POLH: variants seen among roughly 807,000 people sequenced by gnomAD.
POLH encodes the protein DNA polymerase eta.
In POLH, 53 loss-of-function variants were observed where a neutral mutation model predicts 73.6. The observed-to-expected ratio is 0.72, with a 90% CI of 0.58 to 0.91. The LOEUF (loss-of-function observed/expected upper bound fraction) is 0.91. POLH is among the 40% of genes least tolerant of loss of function. The pLI is 0.00. For missense variants in POLH, 768 were observed against 865.4 expected, an observed-to-expected ratio of 0.89 and a Z score of 1.41; for synonymous variants, 292 against 308.5, an observed-to-expected ratio of 0.95 and a Z score of 0.56.
chr6:43,592,446 C>T (rs1239187411), intron 4 of POLH, among the ~76,000 whole-genome samples: 2 of 143,158 alleles, frequency 1.4e-5, no homozygotes, highest in Admixed American at 7.3e-5. Flanking sequence ...CTTTCTCGCT[C>T]TGTCGCCCAG....
At chr6:43,588,923 C>T (rs112740328) in intron 4 of POLH, among the ~76,000 whole-genome samples, 17,673 of 151,968 alleles carry the variant, frequency 0.12, 1,412 homozygotes, top group Non-Finnish European at 0.18. Context: ...CTGCAAGCTC[C>T]GCCTCCCGGG....
Position 43,614,522 on chromosome 6 carries a change from A to G in POLH, c.2107A>G (p.Thr703Ala), listed in dbSNP as rs774108482. ...ACGCCCCAGGCCTGAGGGCATGCAA[A>G]CATTGGAATCATTTTTTAAGCCATT... is the stretch of plus-strand genomic sequence containing the variant. The part of the protein sequence containing the change: ...NKRPRPEGMQ[T>A]LESFFKPLTH The change falls in exon 11 of 11, where the codon ACA becomes GCA. Residue 703 changes from threonine to alanine, a missense_variant. Physicochemically the swap from Thr to Ala is moderately conservative, Grantham distance 58. Transcript: ENST00000372236. 1 of 1,613,936 alleles carries G rather than the reference A, an allele frequency of 6.2e-7. No homozygotes were observed. Among genetic ancestry groups the G allele is most frequent in the South Asian group, 1.1e-5 (1 of 91,078 alleles).
intron 4 of POLH, 26 bp downstream of exon 4, chr6:43,587,515 C>G: frequency 4.0e-6 from 6 of 1,507,664 alleles, no homozygotes; most frequent in Non-Finnish European, 5.5e-6. Context: ...CATACTGCTT[C>G]TGCTTCCTGC....
chr6:43,600,093 G>A (rs1766562913), intron 5 of POLH, among the ~76,000 whole-genome samples: 1 of 151,878 alleles, frequency 6.6e-6, no homozygotes, highest in African/African-American at 2.4e-5. Context: ...AGGAGGTGGA[G>A]GTTGCAGTGA....
chr6:43,616,594 A>AC lies in POLH; in HGVS notation c.*2037_*2038insC, dbSNP rs1768366062. Among the ~76,000 whole-genome samples the AC allele has an allele frequency of 6.6e-6, 1 of 151,828 alleles. No individual in the cohort carries two copies. Among genetic ancestry groups the AC allele is most frequent in the African/African-American group, 2.4e-5 (1 of 41,280 alleles). ...AGAGTGAGAGACTGTCTCAAAAAAA[A>AC]AAAAAACAAAAGAAAAACTTCTCTC... On this transcript the variant is annotated 3_prime_UTR_variant, in exon 11 of 11. Coordinates refer to ENST00000372236, the MANE Select transcript of POLH (RefSeq NM_006502.3).
chr6:43,583,988 C>A (rs1221158390), intron 3 of POLH, among the ~76,000 whole-genome samples: 1 of 152,070 alleles, frequency 6.6e-6, no homozygotes, highest in Non-Finnish European at 1.5e-5. Context: ...ACAGAAAATA[C>A]AAAAATTAGC....
At position 43,576,914 on chromosome 6, in the gene POLH, G is replaced by A. The variant is rs377753338; in HGVS notation, c.-5+474G>A. Among the ~76,000 whole-genome samples the A allele has an allele frequency of 1.6e-4, 25 of 152,354 alleles. No homozygotes were observed. In the East Asian group the frequency reaches 4.2e-3, roughly 26 times the overall value. ...CTCACGCCTGTAATCCCAGCACTTT[G>A]GGAGGCGGAGGCGGGCGGATCACCT... is the stretch of plus-strand genomic sequence containing the variant. On this transcript the variant is annotated intron_variant, in intron 1 of 10. Transcript: ENST00000372236.
At chr6:43,605,438 TC>T (rs370554119) in intron 9 of POLH, 119 bp downstream of exon 9, 8 of 593,654 alleles carry the variant, frequency 1.3e-5, no homozygotes, top group Admixed American at 2.9e-5. Context: ...ATATCCGTTT[TC>T]TTTCTTTTTT....
chr6:43,579,644 C>A (rs1763783441), intron 1 of POLH, among the ~76,000 whole-genome samples: 1 of 152,182 alleles, frequency 6.6e-6, no homozygotes, highest in African/African-American at 2.4e-5. Flanking sequence ...CAATTTATAT[C>A]CAGTCAGTTA....
intron 4 of POLH, among the ~76,000 whole-genome samples, chr6:43,596,926 T>G (rs1343843534): frequency 1.3e-5 from 2 of 152,188 alleles, no homozygotes. Context: ...GGAGTGGATT[T>G]TAAGTTACTC....
chr6:43,578,691 C>T (rs1763674397), intron 1 of POLH, among the ~76,000 whole-genome samples: 1 of 152,176 alleles, frequency 6.6e-6, no homozygotes, highest in African/African-American at 2.4e-5. Context: ...AGTAGGAGAA[C>T]TCTACCATTT....
At chr6:43,582,534 G>A in intron 2 of POLH, 78 bp downstream of exon 2, 3 of 1,391,580 alleles carry the variant, frequency 2.2e-6, no homozygotes, top group Non-Finnish European at 2.0e-6. Context: ...TGTTGTGGTG[G>A]TGGTGGTGGT....
Position 43,578,524 on chromosome 6 carries a change from C to CAA in POLH, c.-5+2095_-5+2096dup, listed in dbSNP as rs958009215. On this transcript the variant is annotated intron_variant, in intron 1 of 10. Coordinates refer to ENST00000372236, the MANE Select transcript of POLH (RefSeq NM_006502.3). ...GGGGGACAAGAGCGAGACTTTGTCT[C>CAA]AAAAAAAAAAAAGTGTCATGGTCAT... The CAA allele has an allele frequency of 1.9e-3, 476 of 248,696 alleles. 1 individual carries two copies. Among genetic ancestry groups the CAA allele is most frequent in the African/African-American group, 6.2e-3 (232 of 37,436 alleles). 15.4% of individuals were successfully genotyped at this position (248,696 alleles called of 1,614,324 possible). A position where few individuals can be genotyped will look rare whatever the true frequency, so the allele number is the denominator to read the frequency against.
At chr6:43,599,924 C>T (rs1412529132) in intron 5 of POLH, among the ~76,000 whole-genome samples, 2 of 151,992 alleles carry the variant, frequency 1.3e-5, no homozygotes, top group East Asian at 1.9e-4. Context: ...TTTGGGATCC[C>T]GAGGCTGGTG....
At chr6:43,595,093 G>A (rs1045674946) in intron 4 of POLH, among the ~76,000 whole-genome samples, 4 of 152,030 alleles carry the variant, frequency 2.6e-5, no homozygotes, top group African/African-American at 9.7e-5. Context: ...CTACTTGGGA[G>A]GCCAAGGTAG....
rs983849917 is a variant in POLH, at chr6:43,618,993, G to A, written c.*4436G>A. ...GGGGTTCTATATTTAGTTTGAAGAG[G>A]TGGGGAAGATTTGAAAACCACTAGA... On this transcript the variant is annotated 3_prime_UTR_variant, in exon 11 of 11. Transcript: ENST00000372236. 1.3e-5 allele frequency among the ~76,000 whole-genome samples: 2 copies of A among 151,448 alleles called. No individual in the cohort carries two copies. The highest frequency in any genetic ancestry group is 2.9e-5 in the Non-Finnish European group (2 of 67,934).
intron 9 of POLH, 135 bp downstream of exon 9, chr6:43,605,454 T>TTTC: frequency 1.6e-6 from 1 of 607,420 alleles, no homozygotes; most frequent in African/African-American, 2.0e-5. Flanking sequence ...TTTTTTTTTT[T>TTTC]TTTTTTTTTT....
intron 9 of POLH, among the ~76,000 whole-genome samples, 200 bp from the exon 10 acceptor site, chr6:43,610,354 C>G (rs1767768731): frequency 6.6e-6 from 1 of 152,080 alleles, no homozygotes; most frequent in Non-Finnish European, 1.5e-5. Context: ...CGTGAGCCAC[C>G]ATGCCTGGCC....
rs1045202752 is a variant in POLH at position 43,617,755 on chromosome 6, C to G, written c.*3198C>G. ...CCATCCTGGCCAACATGGTGAAACCCCGTCTCTACTGAAAATACAACTGGG... is the reference window on the plus strand; with the variant it reads ...CCATCCTGGCCAACATGGTGAAACCGCGTCTCTACTGAAAATACAACTGGG... On this transcript the variant is annotated 3_prime_UTR_variant, in exon 11 of 11. Coordinates refer to ENST00000372236, the MANE Select transcript of POLH (RefSeq NM_006502.3). Among the ~76,000 whole-genome samples the G allele has an allele frequency of 1.3e-5, 2 of 152,102 alleles. No homozygotes were observed. The highest frequency in any genetic ancestry group is 4.8e-5 in the African/African-American group (2 of 41,418).
Sources: allele counts gnomAD v4.1 joint callset (sites outside exome capture counted in the v4.1 genomes callset), GRCh38; gene constraint gnomAD v4.1.1; transcripts MANE v1.5; gene names NCBI Gene and HGNC (gene_info 2026-07-23, HGNC 2026-07-21).